ADCY3: variants seen among roughly 807,000 people sequenced by gnomAD.
ADCY3 encodes the protein adenylate cyclase type 3.
A neutral mutation model predicts 119.4 loss-of-function variants in ADCY3; 70 were observed. The ratio of observed to expected loss-of-function variants is 0.59; its 90% CI spans 0.48 to 0.72. The LOEUF is 0.72. ADCY3 is among the 30% of genes least tolerant of loss of function. The probability of loss-of-function intolerance (pLI) is 0.00; values close to 1 mark genes in which losing one functional copy is unlikely to be tolerated. For synonymous variants in ADCY3, 672 were observed against 621.4 expected (o/e 1.08, Z -1.21); for missense variants, 1,238 against 1,541.6 (o/e 0.80, Z 3.30).
intron 2 of ADCY3, among the ~76,000 whole-genome samples, chr2:24,912,025 AC>A (rs1663749022): frequency 6.6e-6 from 1 of 152,234 alleles, no homozygotes; most frequent in East Asian, 1.9e-4. Flanking sequence ...GCCAGAAGGC[AC>A]TAAACTGTAA....
At chr2:24,862,662 A>G (rs975287980) in intron 3 of ADCY3, among the ~76,000 whole-genome samples, 3 of 152,322 alleles carry the variant, frequency 2.0e-5, no homozygotes, top group Middle Eastern at 3.4e-3. Context: ...TGGTGGCACA[A>G]CATGGTGAGT....
chr2:24,877,431 C>T (rs1394668644), intron 2 of ADCY3, among the ~76,000 whole-genome samples: 1 of 152,160 alleles, frequency 6.6e-6, no homozygotes, highest in East Asian at 1.9e-4. Flanking sequence ...TACCCCAGTC[C>T]ACCCCCGCCT....
At chr2:24,864,155 T>G (rs549406064) in intron 3 of ADCY3, among the ~76,000 whole-genome samples, 1 of 152,236 alleles carries the variant, frequency 6.6e-6, no homozygotes, top group Non-Finnish European at 1.5e-5. Flanking sequence ...CTGGGAGTGG[T>G]GGTGGGCACC....
intron 16 of ADCY3, among the ~76,000 whole-genome samples, chr2:24,825,413 C>T (rs938832429): frequency 1.4e-5 from 2 of 146,802 alleles, no homozygotes; most frequent in African/African-American, 2.6e-5. Context: ...CAGCTTACTA[C>T]AGCCTCAACC....
chr2:24,876,553 T>G (rs566272284), intron 2 of ADCY3, among the ~76,000 whole-genome samples: 7 of 152,164 alleles, frequency 4.6e-5, no homozygotes, highest in Admixed American at 4.6e-4. Context: ...CCTCAAAATA[T>G]GTCTGTAAAA....
intron 2 of ADCY3, among the ~76,000 whole-genome samples, chr2:24,901,788 A>AG (rs1163167431): frequency 1.3e-5 from 2 of 151,628 alleles, no homozygotes; most frequent in East Asian, 3.9e-4. Flanking sequence ...TTAAAAAAAA[A>AG]AAAAAGAAGA....
At chr2:24,868,930 T>A (rs888168965) in intron 3 of ADCY3, among the ~76,000 whole-genome samples, 17 of 150,932 alleles carry the variant, frequency 1.1e-4, no homozygotes. Context: ...AGGCTGAGGC[T>A]GGAGAATGGC....
chr2:24,844,593 C>T (rs1045100325), intron 3 of ADCY3, among the ~76,000 whole-genome samples: 1 of 152,126 alleles, frequency 6.6e-6, no homozygotes, highest in Non-Finnish European at 1.5e-5. Flanking sequence ...GGTGGAGCTG[C>T]CAAGAGGTCC....
rs532463063 is a variant in ADCY3 at position 24,827,892 on chromosome 2, T to A, written c.2432+10A>T. 6.2e-6 allele frequency: 10 copies of A among 1,613,816 alleles called. No homozygotes were observed. The African/African-American group carries it at 1.3e-4, about 22-fold the overall frequency. ...AGACAATACAGATCCCCAGTCACGC[T>A]TCATCTTACTCGTGCTCCCGAAAAC... On this transcript the variant is annotated intron_variant, in intron 14 of 21. Transcript: ENST00000679454.
At chr2:24,849,419 G>C (rs954557109) in intron 3 of ADCY3, among the ~76,000 whole-genome samples, 5 of 152,364 alleles carry the variant, frequency 3.3e-5, no homozygotes, top group Non-Finnish European at 5.9e-5. Context: ...AGGAGCCTCG[G>C]AAGGGCCACA....
Position 24,841,783 on chromosome 2 carries a change from T to A in ADCY3, c.957-116A>T, listed in dbSNP as rs1671045404. 2.7e-6 allele frequency: 2 copies of A among 735,906 alleles called. No homozygotes were observed. Among genetic ancestry groups the A allele is most frequent in the East Asian group, 5.4e-5 (2 of 37,338 alleles). 45.6% of individuals were successfully genotyped at this position (735,906 alleles called of 1,614,324 possible). On this transcript the variant is annotated intron_variant, in intron 4 of 21. Coordinates refer to ENST00000679454, the MANE Select transcript of ADCY3 (RefSeq NM_004036.5). The surrounding 1 kb of genome is among the most constrained non-coding windows in gnomAD (Gnocchi z 5.8). ...CCAGGATCAGGGCAGGAGAAGGTCC[T>A]CCCTCACGACCCCCAGACAGTGAGA... is the stretch of plus-strand genomic sequence containing the variant.
At chr2:24,888,933 C>T (rs1222228780) in intron 2 of ADCY3, among the ~76,000 whole-genome samples, 2 of 152,146 alleles carry the variant, frequency 1.3e-5, no homozygotes, top group East Asian at 1.9e-4. Flanking sequence ...TGCTTGAACC[C>T]GGGAGGCAGA....
chr2:24,821,316 T>C, intron 20 of ADCY3: 1 of 671,418 alleles, frequency 1.5e-6, no homozygotes, highest in Admixed American at 3.0e-5. Context: ...AGTCGGATCA[T>C]CACATCAGCT....
At chr2:24,861,516 A>T (rs556978939) in intron 3 of ADCY3, among the ~76,000 whole-genome samples, 1 of 152,254 alleles carries the variant, frequency 6.6e-6, no homozygotes, top group Admixed American at 6.5e-5. Context: ...GTTTCCTCTC[A>T]TACCAGGACT....
chr2:24,833,723 G>A (rs1669914967), intron 11 of ADCY3, among the ~76,000 whole-genome samples: 1 of 152,212 alleles, frequency 6.6e-6, no homozygotes, highest in African/African-American at 2.4e-5. Flanking sequence ...CTTATGGAAT[G>A]AGTGAATTTG....
In ADCY3 at chr2:24,838,730, C is replaced by T. The variant is rs897442745; in HGVS notation, c.1356-108G>A. On this transcript the variant is annotated intron_variant, in intron 7 of 21. Coordinates refer to ENST00000679454, the MANE Select transcript of ADCY3 (RefSeq NM_004036.5). ...CACCGGCTGCTGCTCGGCCCCGTGT[C>T]TCTCGGGCATGTGGGGCAGAGGCCA... The T allele has an allele frequency of 1.1e-5, 17 of 1,586,382 alleles. No individual in the cohort carries two copies. In the African/African-American group the frequency reaches 2.2e-4, roughly 20 times the overall value.
At chr2:24,871,849 T>A (rs578184395) in intron 3 of ADCY3, among the ~76,000 whole-genome samples, 1 of 152,024 alleles carries the variant, frequency 6.6e-6, no homozygotes, top group Non-Finnish European at 1.5e-5. Context: ...CTGAGTGACA[T>A]GAGAACTGGG....
chr2:24,914,897 C>A (rs1664262981), intron 2 of ADCY3, among the ~76,000 whole-genome samples: 1 of 152,024 alleles, frequency 6.6e-6, no homozygotes, highest in Non-Finnish European at 1.5e-5. Context: ...ATTGGTGGGG[C>A]CCCAGCCCCA....
intron 11 of ADCY3, chr2:24,832,180 G>A (rs961837279): frequency 1.1e-5 from 2 of 186,928 alleles, no homozygotes; most frequent in East Asian, 1.5e-4. Context: ...TGCAGAACAG[G>A]ACAAAGGCCC....
Sources: allele counts gnomAD v4.1 joint callset (sites outside exome capture counted in the v4.1 genomes callset), GRCh38; gene constraint gnomAD v4.1.1; non-coding constraint Gnocchi (gnomAD v3.1); transcripts MANE v1.5; gene names NCBI Gene and HGNC (gene_info 2026-07-23, HGNC 2026-07-21).